Variants in DPYD observed in about 807,000 individuals in gnomAD.
The protein encoded by DPYD is dihydropyrimidine dehydrogenase [NADP(+)].
Under a neutral mutation model 116.2 loss-of-function variants are expected in DPYD, and 109 were observed. The ratio of observed to expected loss-of-function variants is 0.94; its 90% confidence interval spans 0.80 to 1.10. DPYD has a LOEUF of 1.10. Ranked by LOEUF, DPYD falls within the 50% of genes least tolerant of loss-of-function variation. The pLI is 0.00. For missense variants in DPYD, 1,302 were observed against 1,254.5 expected (o/e 1.04, Z -0.57); for synonymous variants, 440 against 432.0 (o/e 1.02, Z -0.23).
chr1:97,269,088 A>T (rs1283900369), intron 18 of DPYD, among the ~76,000 whole-genome samples: 1 of 152,122 alleles, frequency 6.6e-6, no homozygotes, highest in Non-Finnish European at 1.5e-5. Context: ...TGTTGTTTAG[A>T]TAGTTCTTCT....
intron 3 of DPYD, among the ~76,000 whole-genome samples, chr1:97,758,020 C>G (rs1665348281): frequency 6.6e-6 from 1 of 152,238 alleles, no homozygotes; most frequent in Non-Finnish European, 1.5e-5. Flanking sequence ...TTGATTATCT[C>G]ATTCATAGAC....
chr1:97,693,230 G>T (rs986456023), intron 6 of DPYD, among the ~76,000 whole-genome samples: 15 of 141,798 alleles, frequency 1.1e-4, no homozygotes, highest in South Asian at 2.3e-4. Context: ...GGTGGAGCTT[G>T]CAGTGAGCCA....
At chr1:97,229,505 A>C (rs1661433265) in intron 19 of DPYD, among the ~76,000 whole-genome samples, 1 of 146,044 alleles carries the variant, frequency 6.8e-6, no homozygotes, top group Admixed American at 6.8e-5. Context: ...ACCAAACTAA[A>C]ATTATAAATT....
intron 20 of DPYD, among the ~76,000 whole-genome samples, chr1:97,135,604 G>A (rs1653726577): frequency 6.6e-6 from 1 of 152,136 alleles, no homozygotes; most frequent in Non-Finnish European, 1.5e-5. Context: ...AGGAACATGA[G>A]TGGAATAGTT....
intron 20 of DPYD, among the ~76,000 whole-genome samples, chr1:97,125,055 C>A (rs1652730356): frequency 6.6e-6 from 1 of 152,006 alleles, no homozygotes. Context: ...ATTTTGAAAC[C>A]TTTTTAAAAG....
At chr1:97,637,632 G>T (rs773412936) in intron 8 of DPYD, among the ~76,000 whole-genome samples, 1 of 152,050 alleles carries the variant, frequency 6.6e-6, no homozygotes, top group Non-Finnish European at 1.5e-5. Flanking sequence ...AAAGAAGTGA[G>T]AAAAGAGAAA....
intron 14 of DPYD, among the ~76,000 whole-genome samples, chr1:97,400,847 T>A (rs1336035275): frequency 6.6e-6 from 1 of 152,172 alleles, no homozygotes; most frequent in Non-Finnish European, 1.5e-5. Context: ...CTTTTCTTCT[T>A]TATTAGTCTT....
intron 18 of DPYD, among the ~76,000 whole-genome samples, chr1:97,259,222 T>C (rs1297791023): frequency 2.0e-5 from 3 of 152,084 alleles, no homozygotes; most frequent in Non-Finnish European, 4.4e-5. Flanking sequence ...ATCCTAGAGC[T>C]CAAAGAGATT....
At chr1:97,642,174 C>G (rs1318693221) in intron 8 of DPYD, among the ~76,000 whole-genome samples, 1 of 151,920 alleles carries the variant, frequency 6.6e-6, no homozygotes, top group Non-Finnish European at 1.5e-5. Flanking sequence ...GCCATAGAGC[C>G]CAAAGTTTAC....
At chr1:97,498,478 C>G (rs968466900) in intron 13 of DPYD, among the ~76,000 whole-genome samples, 1 of 126,442 alleles carries the variant, frequency 7.9e-6, no homozygotes, top group South Asian at 2.7e-4. Context: ...CTTTGCCTCT[C>G]TCTCTCTTTC....
At chr1:97,627,490 C>T (rs1325847960) in intron 8 of DPYD, among the ~76,000 whole-genome samples, 3 of 152,016 alleles carry the variant, frequency 2.0e-5, no homozygotes, top group Non-Finnish European at 4.4e-5. Context: ...CAGGTATTTT[C>T]CCTATATCAC....
intron 14 of DPYD, among the ~76,000 whole-genome samples, chr1:97,385,539 C>A (rs372730672): frequency 2.0e-4 from 28 of 137,848 alleles, no homozygotes; most frequent in Admixed American, 3.6e-4. Context: ...AAAAAAAAAA[C>A]AAAATAAAAC....
chr1:97,397,209 C>G (rs926211061), intron 14 of DPYD, among the ~76,000 whole-genome samples: 5 of 151,950 alleles, frequency 3.3e-5, no homozygotes, highest in Non-Finnish European at 7.4e-5. Context: ...AGGAAACTAC[C>G]ATGACTAATA....
At chr1:97,561,673 T>C (rs3120632) in intron 11 of DPYD, among the ~76,000 whole-genome samples, 3,865 of 152,284 alleles carry the variant, frequency 0.025, 165 homozygotes, top group African/African-American at 0.088. Flanking sequence ...ATTCACATAG[T>C]TAAACACTAA....
chr1:97,260,039 T>C (rs182383090), intron 18 of DPYD, among the ~76,000 whole-genome samples: 47 of 152,258 alleles, frequency 3.1e-4, no homozygotes, highest in African/African-American at 9.6e-4. Context: ...TAGCAGTGAT[T>C]AGTTCCAGAA....
chr1:97,247,266 A>T (rs1052942273), intron 18 of DPYD, among the ~76,000 whole-genome samples: 1 of 152,212 alleles, frequency 6.6e-6, no homozygotes, highest in Non-Finnish European at 1.5e-5. Context: ...CATATGATCA[A>T]AAAACTAGGA....
At chr1:97,266,095 A>T (rs1159071565) in intron 18 of DPYD, among the ~76,000 whole-genome samples, 1 of 152,222 alleles carries the variant, frequency 6.6e-6, no homozygotes. Flanking sequence ...GGACATCTAG[A>T]AATAAATAAA....
chr1:97,578,723 G>T (rs1653440908), intron 10 of DPYD, among the ~76,000 whole-genome samples: 1 of 152,164 alleles, frequency 6.6e-6, no homozygotes, highest in African/African-American at 2.4e-5. Flanking sequence ...AAGGTGAAGG[G>T]CTTGGCTAGA....
At chr1:97,285,638 C>T (rs1665623858) in intron 18 of DPYD, among the ~76,000 whole-genome samples, 1 of 151,746 alleles carries the variant, frequency 6.6e-6, no homozygotes, top group South Asian at 2.1e-4. Context: ...AATTTCTTGG[C>T]CATTCTGACA....
Sources: gnomAD v4.1 joint callset for allele counts (sites outside exome capture counted in the v4.1 genomes callset) on GRCh38, gnomAD v4.1.1 for gene constraint, MANE v1.5 for transcripts, NCBI Gene and HGNC (gene_info 2026-07-23, HGNC 2026-07-21) for gene names.